KIAA1217: variants seen among roughly 807,000 people sequenced by gnomAD.
KIAA1217 encodes KIAA1217, also known as sickle tail protein homolog.
Under a neutral mutation model 163.9 loss-of-function variants are expected in KIAA1217, and 88 were observed. That is an observed-to-expected ratio of 0.54 (90% confidence interval 0.45 to 0.64). The LOEUF (loss-of-function observed/expected upper bound fraction) is 0.64. Among genes scored for constraint, KIAA1217 ranks in the 30% least tolerant of loss-of-function variants. The probability of loss-of-function intolerance (pLI) is 0.00; values close to 1 mark genes in which losing one functional copy is unlikely to be tolerated. For missense variants in KIAA1217, 2,372 were observed against 2,475.0 expected (o/e 0.96, Z 0.88); for synonymous variants, 903 against 923.1 (o/e 0.98, Z 0.39).
intron 1 of KIAA1217, among the ~76,000 whole-genome samples, chr10:23,750,875 G>A (rs570309075): frequency 2.6e-5 from 4 of 152,030 alleles, no homozygotes; most frequent in Admixed American, 1.3e-4. Context: ...GATTTTAGTG[G>A]TTCATCACCA....
chr10:23,967,464 C>T (rs1845109911), intron 1 of KIAA1217, among the ~76,000 whole-genome samples: 1 of 151,854 alleles, frequency 6.6e-6, no homozygotes, highest in South Asian at 2.1e-4. Context: ...AATAGAAGTG[C>T]AAGAAGTCCA....
chr10:24,144,769 G>A (rs2064232562), intron 2 of KIAA1217, among the ~76,000 whole-genome samples: 1 of 152,064 alleles, frequency 6.6e-6, no homozygotes, highest in African/African-American at 2.4e-5. Context: ...GCTATTTTTA[G>A]GTGTTCTACC....
intron 1 of KIAA1217, among the ~76,000 whole-genome samples, chr10:23,907,635 C>A (rs1034755659): frequency 2.0e-5 from 3 of 152,026 alleles, no homozygotes; most frequent in African/African-American, 7.2e-5. Context: ...TCTTTCTCAG[C>A]CTTTCTGTTC....
intron 3 of KIAA1217, among the ~76,000 whole-genome samples, chr10:24,396,355 A>G (rs2055750631): frequency 6.6e-6 from 1 of 152,000 alleles, no homozygotes; most frequent in Non-Finnish European, 1.5e-5. Flanking sequence ...GAGAAAAAAG[A>G]AAAAAAATGC....
Position 24,547,557 on chromosome 10 carries a change from T to C in KIAA1217, c.*1233T>C, listed in dbSNP as rs1564921604. ...GAAATGTAACTGTTACCGAGTTAAA[T>C]GTTTTTCCGCTTTGAGGGATGTAAC... is the stretch of plus-strand genomic sequence containing the variant. On this transcript the variant is annotated 3_prime_UTR_variant, in exon 21 of 21. Transcript: ENST00000376454. 1 of 152,248 alleles carries C rather than the reference T, an allele frequency of 6.6e-6. No individual in the cohort carries two copies. The highest frequency in any genetic ancestry group is 1.9e-4 in the East Asian group (1 of 5,200). The allele number at this position is 152,248 out of a possible 1,614,324, so 9.4% of individuals were successfully genotyped here.
intron 3 of KIAA1217, among the ~76,000 whole-genome samples, chr10:24,398,308 C>A (rs561288559): frequency 6.6e-6 from 1 of 152,274 alleles, no homozygotes; most frequent in East Asian, 1.9e-4. Flanking sequence ...ATCATCTTCA[C>A]ATTGAATAAA....
intron 2 of KIAA1217, among the ~76,000 whole-genome samples, chr10:24,043,116 T>C (rs1301564452): frequency 6.6e-6 from 1 of 152,184 alleles, no homozygotes; most frequent in Admixed American, 6.5e-5. Context: ...AAGCTATCTG[T>C]TATTTTAGCG....
At chr10:24,103,308 G>T (rs879716067) in intron 2 of KIAA1217, among the ~76,000 whole-genome samples, 2 of 152,154 alleles carry the variant, frequency 1.3e-5, no homozygotes, top group Non-Finnish European at 1.5e-5. Flanking sequence ...GCTCCTGAAA[G>T]ATGACACAGA....
At chr10:23,742,499 T>C (rs7068464) in intron 1 of KIAA1217, among the ~76,000 whole-genome samples, 44,588 of 152,006 alleles carry the variant, frequency 0.29, 7,305 homozygotes, top group African/African-American at 0.44. Flanking sequence ...GGGGAGGGCT[T>C]GGGGAGCTTC....
At chr10:24,519,625 C>T (rs991196070) in intron 10 of KIAA1217, among the ~76,000 whole-genome samples, 12 of 152,128 alleles carry the variant, frequency 7.9e-5, no homozygotes, top group African/African-American at 2.2e-4. Context: ...AACATCGTAC[C>T]GTGCAGTTTC....
At chr10:23,744,764 T>C (rs1839304967) in intron 1 of KIAA1217, among the ~76,000 whole-genome samples, 1 of 152,192 alleles carries the variant, frequency 6.6e-6, no homozygotes, top group Non-Finnish European at 1.5e-5. Context: ...TTGGCTCACA[T>C]GATTATGGAG....
At chr10:24,476,426 A>G (rs2064047740) in intron 6 of KIAA1217, among the ~76,000 whole-genome samples, 1 of 152,152 alleles carries the variant, frequency 6.6e-6, no homozygotes, top group African/African-American at 2.4e-5. Flanking sequence ...AGATCTGCCA[A>G]CCCTAGAGAC....
At chr10:24,505,921 G>A (rs946837794) in intron 9 of KIAA1217, among the ~76,000 whole-genome samples, 7 of 151,926 alleles carry the variant, frequency 4.6e-5, no homozygotes, top group African/African-American at 1.5e-4. Context: ...TTTATCTTCT[G>A]ACATGCATAA....
intron 1 of KIAA1217, among the ~76,000 whole-genome samples, chr10:23,738,570 C>T (rs994848768): frequency 6.6e-5 from 10 of 151,794 alleles, no homozygotes; most frequent in African/African-American, 1.7e-4. Flanking sequence ...TTGTTTAACA[C>T]ATTATTTTTT....
Position 24,090,451 on chromosome 10 carries a change from A to T in KIAA1217, c.-171+83077A>T, listed in dbSNP as rs575647820. On this transcript the variant is annotated intron_variant, in intron 2 of 18. Transcript: ENST00000376462. ...CACCTCAGGCTCCCAAAGTCCTAGGATTACAGGCATGAGCCACTGCACCCA... is the reference window on the plus strand; with the variant it reads ...CACCTCAGGCTCCCAAAGTCCTAGGTTTACAGGCATGAGCCACTGCACCCA... Among the ~76,000 whole-genome samples, 39 of 145,514 alleles carry T rather than the reference A, an allele frequency of 2.7e-4. 1 individual carries two copies. Among genetic ancestry groups the T allele is most frequent in the South Asian group, 1.3e-3 (6 of 4,658 alleles).
intron 1 of KIAA1217, among the ~76,000 whole-genome samples, chr10:23,874,044 G>T (rs1840576965): frequency 6.6e-6 from 1 of 152,012 alleles, no homozygotes; most frequent in South Asian, 2.1e-4. Context: ...TGCTTACATA[G>T]AAAGAATATG....
intron 1 of KIAA1217, among the ~76,000 whole-genome samples, chr10:23,730,479 A>G (rs1181225490): frequency 6.6e-6 from 1 of 152,084 alleles, no homozygotes; most frequent in Non-Finnish European, 1.5e-5. Context: ...CTTTCTGAGT[A>G]TTTTGCCTTT....
At chr10:23,955,990 T>C (rs1844542356) in intron 1 of KIAA1217, among the ~76,000 whole-genome samples, 1 of 152,214 alleles carries the variant, frequency 6.6e-6, no homozygotes, top group Non-Finnish European at 1.5e-5. Flanking sequence ...TACCCTTTTC[T>C]AGCTGAACAG....
chr10:23,984,705 T>A (rs1184255998), intron 1 of KIAA1217, among the ~76,000 whole-genome samples: 3 of 150,600 alleles, frequency 2.0e-5, no homozygotes, highest in African/African-American at 7.3e-5. Context: ...AAGTGGGAGT[T>A]GAACATTGAG....
Sources: gnomAD v4.1 joint callset for allele counts (sites outside exome capture counted in the v4.1 genomes callset) on GRCh38, gnomAD v4.1.1 for gene constraint, MANE v1.5 for transcripts, NCBI Gene and HGNC (gene_info 2026-07-23, HGNC 2026-07-21) for gene names.